DPP6: variants seen among roughly 807,000 people sequenced by gnomAD.
DPP6 encodes the protein A-type potassium channel modulatory protein DPP6.
DPP6 carries 69 observed loss-of-function variants against 122.6 expected under a neutral mutation model. The observed-to-expected ratio is 0.56, with a 90% confidence interval of 0.46 to 0.69. The LOEUF (loss-of-function observed/expected upper bound fraction) is 0.69, where lower values mean the gene tolerates loss of function less well. DPP6 is among the 30% of genes least tolerant of loss of function. DPP6 has a pLI of 0.00. For synonymous variants in DPP6, 418 were observed against 433.1 expected (o/e 0.97, Z 0.43); for missense variants, 928 against 1,116.9 (o/e 0.83, Z 2.41).
chr7:154,373,367 C>T (rs10226327), intron 1 of DPP6, among the ~76,000 whole-genome samples: 7,720 of 152,136 alleles, frequency 0.051, 391 homozygotes, highest in African/African-American at 0.13. Context: ...ATCCCCATGA[C>T]TTTATGTAAG....
chr7:154,622,651 C>T (rs6980443), intron 5 of DPP6, among the ~76,000 whole-genome samples: 86,839 of 152,050 alleles, frequency 0.57, 25,316 homozygotes, highest in African/African-American at 0.7. Context: ...TGTAGATACA[C>T]GTGGATACCA....
chr7:154,510,959 CA>C (rs1479888942), intron 3 of DPP6, among the ~76,000 whole-genome samples: 1 of 151,144 alleles, frequency 6.6e-6, no homozygotes, highest in Non-Finnish European at 1.5e-5. Flanking sequence ...CACACACACA[CA>C]CACACACACA....
chr7:154,807,797 G>A (rs1198692296), intron 16 of DPP6, among the ~76,000 whole-genome samples: 2 of 152,104 alleles, frequency 1.3e-5, no homozygotes, highest in African/African-American at 4.8e-5. Flanking sequence ...ACTCCAGCCT[G>A]GGCAACAGAG....
At chr7:153,787,242 G>T in the DPP6 span, among the ~76,000 whole-genome samples, 1 of 145,370 alleles carries the variant, frequency 6.9e-6, no homozygotes, top group Non-Finnish European at 1.5e-5. Context: ...GAGCCACTGC[G>T]CCCGGCCACG....
intron 1 of DPP6, among the ~76,000 whole-genome samples, chr7:154,004,082 C>T (rs1374572147): frequency 6.6e-6 from 1 of 152,178 alleles, no homozygotes; most frequent in East Asian, 1.9e-4. Flanking sequence ...TGGAAATGTC[C>T]AGCAAGGCTT....
intron 7 of DPP6, among the ~76,000 whole-genome samples, chr7:154,716,238 A>T (rs1841475001): frequency 6.6e-6 from 1 of 152,162 alleles, no homozygotes; most frequent in African/African-American, 2.4e-5. Flanking sequence ...CCCATCACAA[A>T]GAAAATGAAG....
At chr7:154,520,501 G>A (rs1423011088) in intron 3 of DPP6, among the ~76,000 whole-genome samples, 1 of 152,220 alleles carries the variant, frequency 6.6e-6, no homozygotes, top group East Asian at 1.9e-4. Flanking sequence ...CCAGATTTTT[G>A]GACCAAGCTC....
Position 154,760,136 on chromosome 7 carries a change from G to A in DPP6, c.884-9281G>A, listed in dbSNP as rs1795441910. Among the ~76,000 whole-genome samples, 1 of 151,968 alleles carries A rather than the reference G, an allele frequency of 6.6e-6. No individual in the cohort carries two copies. The highest frequency in any genetic ancestry group is 2.4e-5 in the African/African-American group (1 of 41,374). On this transcript the variant is annotated intron_variant, in intron 8 of 25. Coordinates refer to ENST00000377770, the MANE Select transcript of DPP6 (RefSeq NM_130797.4). This position sits in a 1 kb window ranked among gnomAD's most constrained non-coding sequence, Gnocchi z 4.5. ...AGATTCTGTCTCAAAACAAAAAAAA[G>A]TCTATTCCCAAGGAGACAGGCATCC...
chr7:154,241,589 A>C lies in DPP6; in HGVS notation c.243+188526A>C, dbSNP rs186780137. Among the ~76,000 whole-genome samples, 1 of 152,064 alleles carries C rather than the reference A, an allele frequency of 6.6e-6. No homozygotes were observed. Among genetic ancestry groups the C allele is most frequent in the Non-Finnish European group, 1.5e-5 (1 of 68,012 alleles). On this transcript the variant is annotated intron_variant, in intron 1 of 25. Transcript: ENST00000377770. This position sits in a 1 kb window ranked among gnomAD's most constrained non-coding sequence, Gnocchi z 9.0. ...CAAAACAAAAAAAAGATCCAATTCC[A>C]TCCCCATCTACTCCAAAATGCCTCC...
chr7:154,823,600 A>G (rs937573082), intron 16 of DPP6, among the ~76,000 whole-genome samples: 2 of 152,236 alleles, frequency 1.3e-5, no homozygotes, highest in East Asian at 1.9e-4. Context: ...CCATCATTGT[A>G]TGGATCTCAT....
chr7:154,438,599 G>A (rs1411855303), intron 1 of DPP6, among the ~76,000 whole-genome samples: 1 of 151,744 alleles, frequency 6.6e-6, no homozygotes, highest in Admixed American at 6.6e-5. Context: ...ATCAAAAATG[G>A]AAAGCCAAGA....
chr7:154,764,810 T>A (rs1795799994), intron 8 of DPP6, among the ~76,000 whole-genome samples: 1 of 152,198 alleles, frequency 6.6e-6, no homozygotes, highest in Non-Finnish European at 1.5e-5. Flanking sequence ...GAATTGTGTG[T>A]ACTGAGTACT....
intron 1 of DPP6, among the ~76,000 whole-genome samples, chr7:154,007,955 C>T (rs1318927029): frequency 6.6e-6 from 1 of 152,210 alleles, no homozygotes. Flanking sequence ...GCATACCATG[C>T]CGTGAGGCTC....
At chr7:153,826,733 A>G in the DPP6 span, among the ~76,000 whole-genome samples, 2 of 152,190 alleles carry the variant, frequency 1.3e-5, no homozygotes, top group Non-Finnish European at 2.9e-5. Flanking sequence ...TGGCTTCCAT[A>G]TGCACTTGTT....
the DPP6 span, among the ~76,000 whole-genome samples, chr7:153,861,914 C>A: frequency 6.6e-6 from 1 of 152,312 alleles, no homozygotes; most frequent in East Asian, 1.9e-4. Flanking sequence ...GAGAATGTTG[C>A]AATCCAGGTA....
At chr7:154,079,626 G>A (rs545949984) in intron 1 of DPP6, among the ~76,000 whole-genome samples, 22 of 152,238 alleles carry the variant, frequency 1.4e-4, no homozygotes, top group African/African-American at 4.8e-4. Flanking sequence ...TGGTGGGCCA[G>A]GGTTGGGAGG....
At chr7:154,747,007 A>G (rs931064132) in intron 8 of DPP6, among the ~76,000 whole-genome samples, 2 of 152,226 alleles carry the variant, frequency 1.3e-5, no homozygotes, top group Admixed American at 6.5e-5. Flanking sequence ...ATCAGTTACA[A>G]TCATGCAGGA....
the DPP6 span, among the ~76,000 whole-genome samples, chr7:153,818,146 T>A: frequency 2.8e-4 from 40 of 140,672 alleles, no homozygotes; most frequent in African/African-American, 1.2e-3. Flanking sequence ...AAATGGCCAA[T>A]GCATATATAT....
intron 1 of DPP6, among the ~76,000 whole-genome samples, chr7:154,199,729 C>T (rs556731023): frequency 6.6e-6 from 1 of 152,098 alleles, no homozygotes; most frequent in Admixed American, 6.5e-5. Context: ...CCTGCCTCAG[C>T]CTTCTGAGTA....
Sources: gnomAD v4.1 joint callset for allele counts (sites outside exome capture counted in the v4.1 genomes callset) on GRCh38, gnomAD v4.1.1 for gene constraint, Gnocchi (gnomAD v3.1) non-coding constraint, MANE v1.5 for transcripts, NCBI Gene and HGNC (gene_info 2026-07-23, HGNC 2026-07-21) for gene names.